CHRM3: variants seen among roughly 807,000 people sequenced by gnomAD.
CHRM3 encodes muscarinic acetylcholine receptor M3.
A neutral mutation model predicts 41.8 loss-of-function variants in CHRM3; 11 were observed. The observed-to-expected ratio is 0.26, with a 90% CI of 0.17 to 0.44. The LOEUF (loss-of-function observed/expected upper bound fraction) is 0.44, where lower values mean the gene tolerates loss of function less well. CHRM3 is among the 20% of genes least tolerant of loss of function. The pLI, the probability that CHRM3 is intolerant of heterozygous loss-of-function variation, is 1.00. For missense variants in CHRM3, 571 were observed against 745.4 expected (o/e 0.77, Z 2.72); for synonymous variants, 297 against 301.4 (o/e 0.99, Z 0.15).
intron 1 of CHRM3, among the ~76,000 whole-genome samples, chr1:239,460,665 C>T (rs531526423): frequency 2.4e-4 from 36 of 151,910 alleles, no homozygotes; most frequent in African/African-American, 8.2e-4. Flanking sequence ...AAGTACAACA[C>T]GGTAAGATTA....
chr1:239,879,868 A>G (rs1677443168), intron 6 of CHRM3, among the ~76,000 whole-genome samples: 1 of 152,262 alleles, frequency 6.6e-6, no homozygotes, highest in African/African-American at 2.4e-5. Flanking sequence ...AGTTAAGGTT[A>G]AATCTCTTTC....
At position 239,656,753 on chromosome 1, in the gene CHRM3, G is replaced by A. The variant is rs533386129; in HGVS notation, c.-249-21433G>A. On this transcript the variant is annotated intron_variant, in intron 4 of 6. Transcript: ENST00000676153. ...TTGGTAATGAAAATATTACTTATAC[G>A]AGTTAACAAATATATTATTATAAAA... 2.1e-4 allele frequency among the ~76,000 whole-genome samples: 32 copies of A among 152,070 alleles called. No individual in the cohort carries two copies. The South Asian group carries it at 5.6e-3, about 27-fold the overall frequency.
At chr1:239,509,701 A>G (rs1312458589) in intron 2 of CHRM3, among the ~76,000 whole-genome samples, 1 of 152,234 alleles carries the variant, frequency 6.6e-6, no homozygotes, top group Non-Finnish European at 1.5e-5. Flanking sequence ...GTTTGGGACT[A>G]TATTCAGTAC....
chr1:239,847,071 A>G (rs985417068), intron 6 of CHRM3, among the ~76,000 whole-genome samples: 1 of 152,224 alleles, frequency 6.6e-6, no homozygotes, highest in Non-Finnish European at 1.5e-5. Context: ...TCTGTCCACC[A>G]TAGAATTTGA....
chr1:239,540,306 G>A (rs994768265), intron 2 of CHRM3, among the ~76,000 whole-genome samples: 4 of 151,058 alleles, frequency 2.6e-5, no homozygotes, highest in African/African-American at 7.3e-5. Context: ...TATGCTAATC[G>A]GGAAGTGTTA....
intron 3 of CHRM3, among the ~76,000 whole-genome samples, chr1:239,618,026 T>TA (rs528079398): frequency 7.2e-5 from 11 of 152,248 alleles, no homozygotes; most frequent in Admixed American, 5.9e-4. Flanking sequence ...CTGCCGTTGT[T>TA]ACGTTTCCTT....
intron 5 of CHRM3, among the ~76,000 whole-genome samples, chr1:239,693,446 A>G (rs1659897858): frequency 6.6e-6 from 1 of 152,122 alleles, no homozygotes; most frequent in Non-Finnish European, 1.5e-5. Context: ...CCAGAAACCA[A>G]ATTGGCTGAA....
At chr1:239,647,098 G>A (rs1487209371) in intron 4 of CHRM3, among the ~76,000 whole-genome samples, 2 of 152,092 alleles carry the variant, frequency 1.3e-5, no homozygotes, top group South Asian at 2.1e-4. Flanking sequence ...ATATTTAAAT[G>A]TTTGATTTAT....
chr1:239,681,876 G>A (rs1230708660), intron 5 of CHRM3, among the ~76,000 whole-genome samples: 2 of 152,060 alleles, frequency 1.3e-5, no homozygotes, highest in Non-Finnish European at 2.9e-5. Flanking sequence ...TCCAGCCTGG[G>A]AGCAATAACT....
intron 6 of CHRM3, among the ~76,000 whole-genome samples, chr1:239,838,359 G>C (rs1673501946): frequency 6.6e-6 from 1 of 151,976 alleles, no homozygotes; most frequent in South Asian, 2.1e-4. Flanking sequence ...AAATGTTTGT[G>C]GTTAAAGATG....
chr1:239,878,386 A>T (rs1307333955), intron 6 of CHRM3, among the ~76,000 whole-genome samples: 1 of 152,014 alleles, frequency 6.6e-6, no homozygotes. Context: ...ATGAAAATCC[A>T]ATGCTGCTGC....
chr1:239,772,783 C>A (rs546738862), intron 5 of CHRM3, among the ~76,000 whole-genome samples: 6 of 152,304 alleles, frequency 3.9e-5, no homozygotes, highest in African/African-American at 9.6e-5. Flanking sequence ...TTCCTTCCAA[C>A]AAGCTCTTAC....
chr1:239,688,540 C>G (rs1395331971), intron 5 of CHRM3, among the ~76,000 whole-genome samples: 2 of 133,098 alleles, frequency 1.5e-5, no homozygotes, highest in Non-Finnish European at 3.1e-5. Flanking sequence ...TACATATATT[C>G]CCATTTATTT....
rs549329436 is a variant in CHRM3, at chr1:239,773,285, G to A, written c.-146-53967G>A. On this transcript the variant is annotated intron_variant, in intron 5 of 6. Coordinates refer to ENST00000676153, the MANE Select transcript of CHRM3 (RefSeq NM_001375978.1). ...ACCAAAGCTTTTTACATTGTTCATC[G>A]AATAGCACATTCTAGTCTAAGTTGA... Among the ~76,000 whole-genome samples the A allele has an allele frequency of 8.5e-5, 13 of 152,070 alleles. No homozygotes were observed. The South Asian group carries it at 1.3e-3, about 15-fold the overall frequency.
chr1:239,718,558 G>T (rs1321380061), intron 5 of CHRM3, among the ~76,000 whole-genome samples: 1 of 151,828 alleles, frequency 6.6e-6, no homozygotes, highest in African/African-American at 2.4e-5. Context: ...TTCAGAGGTG[G>T]TATTTCTAGC....
intron 3 of CHRM3, among the ~76,000 whole-genome samples, chr1:239,620,971 G>A (rs976554666): frequency 1.2e-4 from 18 of 152,158 alleles, no homozygotes; most frequent in African/African-American, 4.8e-5. Context: ...CAGATATTGT[G>A]ATTTTTACAG....
intron 5 of CHRM3, among the ~76,000 whole-genome samples, chr1:239,733,909 A>G (rs1178981859): frequency 6.6e-6 from 1 of 152,102 alleles, no homozygotes; most frequent in Non-Finnish European, 1.5e-5. Context: ...TTAATGTAAC[A>G]TATTAAACTT....
chr1:239,600,884 G>A (rs1173513617), intron 3 of CHRM3, among the ~76,000 whole-genome samples: 1 of 149,498 alleles, frequency 6.7e-6, no homozygotes, highest in African/African-American at 2.5e-5. Flanking sequence ...TCTATTCACT[G>A]TCTGTTATTT....
rs182492763 is a variant in CHRM3 at position 239,882,788 on chromosome 1, C to T, written c.-19-24645C>T. On this transcript the variant is annotated intron_variant, in intron 6 of 6. Coordinates refer to ENST00000676153, the MANE Select transcript of CHRM3 (RefSeq NM_001375978.1). ...GGCCACGTGACCTAGTGTTTTGTCA[C>T]AGGCCCTGAGCTGCTAGAAAGCAGA... 3.9e-5 allele frequency among the ~76,000 whole-genome samples: 6 copies of T among 152,348 alleles called. No individual in the cohort carries two copies. In the East Asian group the frequency reaches 9.6e-4, roughly 24 times the overall value.
Sources: allele counts gnomAD v4.1 joint callset (sites outside exome capture counted in the v4.1 genomes callset), GRCh38; gene constraint gnomAD v4.1.1; transcripts MANE v1.5; gene names NCBI Gene and HGNC (gene_info 2026-07-23, HGNC 2026-07-21).